Variants in ATP10A observed in about 807,000 individuals in gnomAD.
The protein encoded by ATP10A is phospholipid-transporting ATPase VA.
ATP10A carries 111 observed loss-of-function variants against 147.8 expected under a neutral mutation model. That is an observed-to-expected ratio of 0.75 (90% CI 0.64 to 0.88). The LOEUF is 0.88. ATP10A is among the 40% of genes least tolerant of loss of function. The probability of loss-of-function intolerance (pLI) is 0.00; values close to 1 mark genes in which losing one functional copy is unlikely to be tolerated. For synonymous variants in ATP10A, 875 were observed against 841.6 expected (o/e 1.04, Z -0.69); for missense variants, 1,927 against 1,959.0 (o/e 0.98, Z 0.31).
chr15:25,718,682 C>A (rs565552597), intron 7 of ATP10A, among the ~76,000 whole-genome samples: 17 of 152,264 alleles, frequency 1.1e-4, no homozygotes, highest in Admixed American at 9.8e-4. Context: ...AACGGGTTGA[C>A]GTCCAGCCGG....
intron 13 of ATP10A, among the ~76,000 whole-genome samples, chr15:25,700,810 CA>C (rs1482813704): frequency 4.0e-5 from 6 of 150,618 alleles, no homozygotes; most frequent in Admixed American, 1.3e-4. Flanking sequence ...AGTGTATAAC[CA>C]AAAAAAGAGC....
At chr15:25,702,719 A>G (rs1239410867) in intron 12 of ATP10A, among the ~76,000 whole-genome samples, 1 of 149,444 alleles carries the variant, frequency 6.7e-6, no homozygotes, top group East Asian at 2.0e-4. Context: ...AAAATCTACT[A>G]TTGACTGCGG....
At chr15:25,834,643 G>A (rs80161085) in intron 1 of ATP10A, among the ~76,000 whole-genome samples, 2,991 of 152,234 alleles carry the variant, frequency 0.02, 147 homozygotes, top group East Asian at 0.18. Context: ...GAAAACACAC[G>A]TCTATACACT....
Position 25,713,697 on chromosome 15 carries a change from T to C in ATP10A, c.2321A>G (p.Asp774Gly). The change falls in exon 10 of 21, where the codon GAT (aspartate) becomes GGT (glycine). Residue 774 changes from aspartate (D) to glycine (G), a missense_variant. Transcript: ENST00000555815. ...YTKGADSVVM[D>G]LLQPCSSVDA... is the part of the protein sequence containing the mutation. ...ACCTGAAGAGCAGGGCTGCAGGAGA[T>C]CCATGACCACTGAGTCGGCCCCCTT... 1 of 1,613,988 alleles carries C rather than the reference T, an allele frequency of 6.2e-7. No homozygotes were observed. Among genetic ancestry groups the C allele is most frequent in the Non-Finnish European group, 8.5e-7 (1 of 1,179,974 alleles).
At chr15:25,846,899 T>G (rs1452188008) in intron 1 of ATP10A, among the ~76,000 whole-genome samples, 1 of 152,216 alleles carries the variant, frequency 6.6e-6, no homozygotes, top group Non-Finnish European at 1.5e-5. Flanking sequence ...TACATGCCGG[T>G]AATTTATAAA....
chr15:25,848,215 C>T (rs896111704), intron 1 of ATP10A, among the ~76,000 whole-genome samples: 2 of 152,054 alleles, frequency 1.3e-5, no homozygotes. Flanking sequence ...CTGCAATGAA[C>T]ACATGTATTA....
chr15:25,812,203 C>T (rs1275287942), intron 1 of ATP10A, among the ~76,000 whole-genome samples: 1 of 152,186 alleles, frequency 6.6e-6, no homozygotes, highest in Non-Finnish European at 1.5e-5. Context: ...TCCTTAGTTT[C>T]TGACTTTTCT....
At chr15:25,714,489 T>A (rs1039009781) in intron 9 of ATP10A, among the ~76,000 whole-genome samples, 13 of 151,798 alleles carry the variant, frequency 8.6e-5, no homozygotes, top group African/African-American at 1.2e-4. Context: ...ATAATAATAA[T>A]AAAAAAAGAA....
intron 7 of ATP10A, among the ~76,000 whole-genome samples, chr15:25,719,014 T>G (rs1902036807): frequency 6.6e-6 from 1 of 152,350 alleles, no homozygotes; most frequent in South Asian, 2.1e-4. Flanking sequence ...TGGTGAACGC[T>G]GGGCAAATCC....
At chr15:25,713,067 G>A (rs1208856073) in intron 10 of ATP10A, among the ~76,000 whole-genome samples, 1 of 152,216 alleles carries the variant, frequency 6.6e-6, no homozygotes, top group Non-Finnish European at 1.5e-5. Context: ...CCCGTGGCAG[G>A]CAGTAGAGCC....
At chr15:25,683,599 T>C in intron 16 of ATP10A, 113 bp from the exon 17 acceptor site, 1 of 1,050,046 alleles carries the variant, frequency 9.5e-7, no homozygotes, top group African/African-American at 1.6e-5. Context: ...TTAAATGTAT[T>C]GGCAGCGATT....
chr15:25,704,723 G>A (rs1318742752), intron 12 of ATP10A, among the ~76,000 whole-genome samples: 1 of 152,246 alleles, frequency 6.6e-6, no homozygotes, highest in Non-Finnish European at 1.5e-5. Flanking sequence ...AGAGGAAAGA[G>A]TACCTGCAGG....
intron 2 of ATP10A, among the ~76,000 whole-genome samples, chr15:25,748,074 T>C (rs1298143087): frequency 6.6e-6 from 1 of 152,140 alleles, no homozygotes; most frequent in Non-Finnish European, 1.5e-5. Context: ...GCCATTCTCC[T>C]GCCTCAGCCT....
At chr15:25,801,798 C>G (rs1410582536) in intron 1 of ATP10A, among the ~76,000 whole-genome samples, 5 of 152,200 alleles carry the variant, frequency 3.3e-5, no homozygotes, top group Non-Finnish European at 7.3e-5. Flanking sequence ...GTGCCAGTCT[C>G]TGAACCCCAA....
At chr15:25,753,455 T>TGTG (rs1366538431) in intron 2 of ATP10A, among the ~76,000 whole-genome samples, 2 of 152,200 alleles carry the variant, frequency 1.3e-5, no homozygotes, top group Non-Finnish European at 2.9e-5. Flanking sequence ...TTTCATTGTG[T>TGTG]GTGTATACCA....
intron 1 of ATP10A, among the ~76,000 whole-genome samples, chr15:25,800,860 A>G (rs1274969339): frequency 2.0e-5 from 3 of 152,146 alleles, no homozygotes; most frequent in Non-Finnish European, 4.4e-5. Context: ...TATTACCAAT[A>G]TTACAACGAC....
downstream of ATP10A, among the ~76,000 whole-genome samples, chr15:25,672,542 A>AT (rs1899064711): frequency 6.6e-6 from 1 of 152,128 alleles, no homozygotes; most frequent in Non-Finnish European, 1.5e-5. Flanking sequence ...TCTGCCTTTA[A>AT]TTTTGGGAGG....
At chr15:25,680,400 G>C in intron 19 of ATP10A, 92 bp from the exon 20 acceptor site, 1 of 1,375,406 alleles carries the variant, frequency 7.3e-7, no homozygotes, top group South Asian at 1.3e-5. Flanking sequence ...CAATGAGCAG[G>C]TGTGAGGTTC....
intron 2 of ATP10A, among the ~76,000 whole-genome samples, chr15:25,756,103 A>G (rs1008218802): frequency 6.6e-6 from 1 of 152,074 alleles, no homozygotes; most frequent in African/African-American, 2.4e-5. Context: ...TTCATTGTTT[A>G]CCTTGTTTCA....
Sources: allele counts gnomAD v4.1 joint callset (sites outside exome capture counted in the v4.1 genomes callset), GRCh38; gene constraint gnomAD v4.1.1; transcripts MANE v1.5; gene names NCBI Gene and HGNC (gene_info 2026-07-23, HGNC 2026-07-21).